The following MYOM3 variants were observed in gnomAD, a reference collection of about 807,000 sequenced individuals.
The protein encoded by MYOM3 is myomesin-3.
MYOM3 carries 155 observed loss-of-function variants against 191.7 expected under a neutral mutation model. That is an observed-to-expected ratio of 0.81 (90% confidence interval 0.71 to 0.92). MYOM3 has a LOEUF of 0.92. Among genes scored for constraint, MYOM3 ranks in the 40% least tolerant of loss-of-function variants. The pLI is 0.00. For missense variants in MYOM3, 1,889 were observed against 1,890.6 expected (o/e 1.00, Z 0.02); for synonymous variants, 757 against 762.9 (o/e 0.99, Z 0.13).
At chr1:24,065,222 C>A (rs995190850) in intron 29 of MYOM3, among the ~76,000 whole-genome samples, 5 of 152,210 alleles carry the variant, frequency 3.3e-5, no homozygotes, top group African/African-American at 1.2e-4. Flanking sequence ...TGGGAGAAGA[C>A]CTTGAAATCA....
chr1:24,107,403 G>C (rs144833431), intron 3 of MYOM3, among the ~76,000 whole-genome samples, 171 bp from the exon 4 acceptor site: 98 of 152,342 alleles, frequency 6.4e-4, no homozygotes, highest in Non-Finnish European at 8.8e-4. Flanking sequence ...GGCCCTGCTT[G>C]CAGTCAGTCC....
In MYOM3 at chr1:24,075,503, C is replaced by A. The variant is rs149629187; in HGVS notation, c.2702-28G>T. ...GAGGGCGAGATCCAACAGAGGGCAG[C>A]GGATGTTTATGCATAATAAACCAGG... is the stretch of plus-strand genomic sequence containing the variant. On this transcript the variant is annotated intron_variant, in intron 21 of 36. Transcript: ENST00000374434. 1.1e-5 allele frequency: 17 copies of A among 1,533,380 alleles called. No individual in the cohort carries two copies. The Admixed American group carries it at 3.2e-4, about 29-fold the overall frequency. 95.0% of individuals were successfully genotyped at this position (1,533,380 alleles called of 1,614,324 possible).
intron 20 of MYOM3, among the ~76,000 whole-genome samples, chr1:24,077,165 G>A (rs942956706): frequency 1.3e-5 from 2 of 152,138 alleles, no homozygotes; most frequent in Non-Finnish European, 2.9e-5. Context: ...TCCAGGTCCC[G>A]TCCACGGTCG....
chr1:24,075,744 C>T (rs934290842), intron 21 of MYOM3, among the ~76,000 whole-genome samples: 1 of 152,168 alleles, frequency 6.6e-6, no homozygotes, highest in Non-Finnish European at 1.5e-5. Flanking sequence ...TATCTTAAAT[C>T]GCTTTCCTCA....
chr1:24,106,230 G>A (rs931669066), intron 4 of MYOM3, among the ~76,000 whole-genome samples, 153 bp from the exon 5 acceptor site: 3 of 152,266 alleles, frequency 2.0e-5, no homozygotes, highest in African/African-American at 7.2e-5. Flanking sequence ...GGGTGGCACT[G>A]TGGGCAGAGC....
Position 24,071,198 on chromosome 1 carries a change from C to T in MYOM3, c.3069G>A (p.Arg1023=). The change falls in exon 25 of 37, where the codon CGG becomes CGA. Residue 1023 remains arginine, a synonymous_variant. Transcript: ENST00000374434. The part of the protein sequence containing the change: ...NIDILERGEV[R]LWLEVEKLSP... ...ATAACTTTTCTACTTCCAGCCAAAG[C>T]CGCACCTCCCCTCGCTCCAGGATGT... is the stretch of plus-strand genomic sequence containing the variant. 6.2e-7 allele frequency: 1 copy of T among 1,614,070 alleles called. No homozygotes were observed. Among genetic ancestry groups the T allele is most frequent in the Non-Finnish European group, 8.5e-7 (1 of 1,179,992 alleles).
At chr1:24,084,124 G>A (rs1359515640) in intron 16 of MYOM3, 2 of 266,824 alleles carry the variant, frequency 7.5e-6, no homozygotes, top group Non-Finnish European at 7.3e-6. Flanking sequence ...AGTGTTGGGG[G>A]AGGGACCTCG....
chr1:24,108,615 C>A lies in MYOM3; in HGVS notation c.22G>T (p.Gly8Ter). The A allele has an allele frequency of 6.4e-7, 1 of 1,565,036 alleles. No individual in the cohort carries two copies. The change falls in exon 2 of 37, where the codon GGA (glycine) becomes TGA (stop). Residue 8 changes from glycine to a stop codon, truncating the protein, a stop_gained. Transcript: ENST00000374434. LOFTEE classifies it high-confidence loss of function. ...GGGGGCCGGGGGTCCCCCGCACCTCCCAAGCTGTGCGGCAGAGTCATGGTT... is the reference window on the plus strand; with the variant it reads ...GGGGGCCGGGGGTCCCCCGCACCTCACAAGCTGTGCGGCAGAGTCATGGTT... MTLPHSLGGAGDPRPPQA... is the reference protein window; with the variant it reads MTLPHSL
At chr1:24,097,491 T>C (rs1643884662) in intron 7 of MYOM3, among the ~76,000 whole-genome samples, 1 of 152,118 alleles carries the variant, frequency 6.6e-6, no homozygotes. Flanking sequence ...ATTCATCCAT[T>C]CAGTTCACAC....
At chr1:24,061,249 C>A in intron 34 of MYOM3, 24 bp downstream of exon 34, 1 of 1,613,968 alleles carries the variant, frequency 6.2e-7, no homozygotes, top group African/African-American at 1.3e-5. Flanking sequence ...ATAATTCACA[C>A]TGAGAAATGT....
rs1157474823 is a variant in MYOM3 at position 24,111,322 on chromosome 1, A to G, written c.-19+709T>C. Among the ~76,000 whole-genome samples the G allele has an allele frequency of 6.6e-6, 1 of 152,150 alleles. No individual in the cohort carries two copies. The highest frequency in any genetic ancestry group is 2.4e-5 in the African/African-American group (1 of 41,430). On this transcript the variant is annotated intron_variant, in intron 1 of 36. Transcript: ENST00000374434. This position sits in a 1 kb window ranked among gnomAD's most constrained non-coding sequence, Gnocchi z 4.7. Reference sequence around the variant, plus strand: ...GCCGAGGAGGCCTCTCCCCTTCTTCAGGAGGGAAAGAGGAATGCACAGCAG... The same window carrying G: ...GCCGAGGAGGCCTCTCCCCTTCTTCGGGAGGGAAAGAGGAATGCACAGCAG...
In MYOM3 at chr1:24,090,792, C is replaced by T; in HGVS notation, c.1432+5G>A. 6.2e-7 allele frequency: 1 copy of T among 1,613,934 alleles called. No individual in the cohort carries two copies. The highest frequency in any genetic ancestry group is 1.1e-5 in the South Asian group (1 of 91,070). On this transcript the variant is annotated splice_donor_5th_base_variant and intron_variant, in intron 12 of 36. Transcript: ENST00000374434. ...TAGAAAGTCGCTTAGGACCTCTGTA[C>T]CCACCTGTCTTCCTCCGGGCTGCAT...
chr1:24,107,965 G>A (rs370727580), intron 3 of MYOM3, 28 bp downstream of exon 3: 23 of 1,601,190 alleles, frequency 1.4e-5, no homozygotes, highest in African/African-American at 9.4e-5. Flanking sequence ...CCTCAGCCAC[G>A]GCTCCCTGGG....
chr1:24,108,988 G>C (rs1294862027), intron 1 of MYOM3, among the ~76,000 whole-genome samples: 1 of 152,202 alleles, frequency 6.6e-6, no homozygotes, highest in Non-Finnish European at 1.5e-5. Flanking sequence ...CAAGGTTTTC[G>C]CTTCTATGGG....
At chr1:24,065,459 C>T (rs4501784) in intron 29 of MYOM3, among the ~76,000 whole-genome samples, 26,504 of 152,116 alleles carry the variant, frequency 0.17, 2,558 homozygotes, top group South Asian at 0.3. Flanking sequence ...CACATGGAGA[C>T]ATCCTTCCTG....
intron 20 of MYOM3, among the ~76,000 whole-genome samples, chr1:24,079,619 C>T (rs750050451): frequency 3.9e-5 from 6 of 152,170 alleles, no homozygotes; most frequent in Non-Finnish European, 7.3e-5. Context: ...TACTAATGGA[C>T]GTTTAAGTTG....
At position 24,061,321 on chromosome 1, in the gene MYOM3, A is replaced by G. The variant is rs373323109; in HGVS notation, c.3935-12T>C. On this transcript the variant is annotated splice_polypyrimidine_tract_variant and intron_variant, in intron 33 of 36. Coordinates refer to ENST00000374434, the MANE Select transcript of MYOM3 (RefSeq NM_152372.4). ...TGCATCCTCAAAAGCTATAAGAAGG[A>G]CAGAGGAGAATGGGGGCCATCAGGG... 355 of 1,613,956 alleles carry G rather than the reference A, an allele frequency of 2.2e-4. No homozygotes were observed. Among genetic ancestry groups the G allele is most frequent in the Non-Finnish European group, 2.9e-4 (341 of 1,179,918 alleles).
At chr1:24,066,387 A>T (rs1643434677) in intron 28 of MYOM3, 2 of 620,826 alleles carry the variant, frequency 3.2e-6, no homozygotes, top group East Asian at 2.7e-5. Flanking sequence ...CCACTTCATC[A>T]TCTTTGTACG....
At chr1:24,100,615 G>C (rs1480391822) in intron 5 of MYOM3, among the ~76,000 whole-genome samples, 1 of 152,218 alleles carries the variant, frequency 6.6e-6, no homozygotes, top group Non-Finnish European at 1.5e-5. Flanking sequence ...GGCCGGGCAC[G>C]GTGGCTCACG....
Sources: allele counts gnomAD v4.1 joint callset (sites outside exome capture counted in the v4.1 genomes callset), GRCh38; gene constraint gnomAD v4.1.1; non-coding constraint Gnocchi (gnomAD v3.1); transcripts MANE v1.5; gene names NCBI Gene and HGNC (gene_info 2026-07-23, HGNC 2026-07-21).